Variants in PTK2 observed in about 807,000 individuals in gnomAD.
PTK2 encodes protein tyrosine kinase 2, also known as focal adhesion kinase 1.
A neutral mutation model predicts 150.1 loss-of-function variants in PTK2; 45 were observed. That is an observed-to-expected ratio of 0.30 (90% CI 0.24 to 0.38). PTK2 has a LOEUF of 0.38. PTK2 is among the 10% of genes least tolerant of loss of function. The pLI is 1.00. For missense variants in PTK2, 919 were observed against 1,307.3 expected, an observed-to-expected ratio of 0.70 and a Z score of 4.58; for synonymous variants, 432 against 449.2, an observed-to-expected ratio of 0.96 and a Z score of 0.48.
intron 23 of PTK2, among the ~76,000 whole-genome samples, chr8:140,708,486 G>A (rs528388869): frequency 5.3e-5 from 8 of 152,180 alleles, no homozygotes; most frequent in South Asian, 4.2e-4. Context: ...CCCTACCTTC[G>A]GTTGCAGGTA....
rs964954569 is a variant in PTK2 at position 140,683,975 on chromosome 8, T to C, written c.2562+2657A>G. ...AAGACCAGGATGCCCACTCTTACCA[T>C]ATCTATTCAACATTAGTGCTGGAAG... On this transcript the variant is annotated intron_variant, in intron 27 of 31. Coordinates refer to ENST00000522684, the Ensembl canonical transcript of PTK2. Among the ~76,000 whole-genome samples the C allele has an allele frequency of 7.2e-5, 11 of 152,150 alleles. 1 individual carries two copies. In the South Asian group the frequency reaches 8.3e-4, roughly 11 times the overall value.
intron 23 of PTK2, 92 bp from the exon 27 acceptor site, chr8:140,706,297 C>T (rs2100033769): frequency 1.1e-6 from 1 of 907,808 alleles, no homozygotes; most frequent in Non-Finnish European, 1.8e-6. Context: ...CCTAATAGAG[C>T]TTACTTGAAA....
intron 3 of PTK2, among the ~76,000 whole-genome samples, chr8:140,886,158 G>A (rs527470915): frequency 1.3e-5 from 2 of 152,284 alleles, no homozygotes; most frequent in South Asian, 4.1e-4. Flanking sequence ...AGCAAAAGAG[G>A]AATAAAAGAC....
rs961167128 is a variant in PTK2 at position 140,738,955 on chromosome 8, T to A, written c.1825+63A>T. The A allele has an allele frequency of 1.5e-5, 18 of 1,185,044 alleles. No homozygotes were observed. The African/African-American group carries it at 2.2e-4, about 15-fold the overall frequency. The allele number at this position is 1,185,044 out of a possible 1,614,324, so 73.4% of individuals were successfully genotyped here. On this transcript the variant is annotated intron_variant, in intron 21 of 31. Transcript: ENST00000522684. ...CCTACATATTCCAAAAAGAGATAAT[T>A]TTTTTTTGTATAACATATGAAATAT...
chr8:140,838,862 T>A (rs1019559336), intron 7 of PTK2, among the ~76,000 whole-genome samples: 4 of 151,636 alleles, frequency 2.6e-5, no homozygotes, highest in African/African-American at 9.7e-5. Context: ...AAAAATTAGC[T>A]GGGCATGGTG....
intron 29 of PTK2, 105 bp downstream of exon 33, chr8:140,669,622 G>T: frequency 1.5e-6 from 2 of 1,322,376 alleles, no homozygotes; most frequent in Non-Finnish European, 2.1e-6. Flanking sequence ...GCAGGCCGAA[G>T]TGCCCTCCCA....
exon 24 of PTK2, chr8:140,706,143 G>A (rs567646904): frequency 2.5e-6 from 4 of 1,612,134 alleles, no homozygotes; most frequent in African/African-American, 1.3e-5. Flanking sequence ...TTTGTACCAT[G>A]TGCTGTGGGC....
chr8:140,672,566 C>G (rs2100011193), intron 29 of PTK2, among the ~76,000 whole-genome samples: 2 of 152,212 alleles, frequency 1.3e-5, no homozygotes, highest in Non-Finnish European at 2.9e-5. Flanking sequence ...TTGGTACTTT[C>G]ACTATGGCCA....
intron 1 of PTK2, among the ~76,000 whole-genome samples, chr8:140,963,137 G>A (rs2100183975): frequency 6.6e-6 from 1 of 150,900 alleles, no homozygotes; most frequent in African/African-American, 2.4e-5. Context: ...CTCTAATACA[G>A]CCTATATATG....
intron 1 of PTK2, among the ~76,000 whole-genome samples, chr8:141,000,708 A>C (rs1589404192): frequency 4.0e-5 from 1 of 25,102 alleles, no homozygotes; most frequent in Non-Finnish European, 8.0e-5. Context: ...CGGACTCCCC[A>C]CGTCCCCCAG....
At chr8:140,918,705 G>A (rs1031120402) in intron 2 of PTK2, among the ~76,000 whole-genome samples, 7 of 152,128 alleles carry the variant, frequency 4.6e-5, no homozygotes, top group Non-Finnish European at 7.4e-5. Flanking sequence ...TTTTTAGCTT[G>A]TCCTGGTATT....
chr8:140,966,809 A>G (rs763605531), intron 1 of PTK2, among the ~76,000 whole-genome samples: 4 of 152,214 alleles, frequency 2.6e-5, no homozygotes, highest in Non-Finnish European at 5.9e-5. Flanking sequence ...ATAGGTATAA[A>G]TAGATGCTTG....
intron 8 of PTK2, among the ~76,000 whole-genome samples, chr8:140,820,300 C>A (rs1210004200): frequency 6.6e-6 from 1 of 151,220 alleles, no homozygotes; most frequent in Non-Finnish European, 1.5e-5. Flanking sequence ...AGGGTTTCAT[C>A]ATGTTGGCCA....
chr8:140,736,856 G>T (rs1006526581), intron 21 of PTK2, among the ~76,000 whole-genome samples: 5 of 152,160 alleles, frequency 3.3e-5, no homozygotes, highest in African/African-American at 1.2e-4. Context: ...ATGTACAATT[G>T]ATGACTTGAA....
chr8:140,955,046 A>T (rs1247694552), intron 1 of PTK2, among the ~76,000 whole-genome samples: 1 of 152,256 alleles, frequency 6.6e-6, no homozygotes, highest in African/African-American at 2.4e-5. Flanking sequence ...ACTAAGAACC[A>T]TTAAAACATC....
chr8:140,703,902 C>A (rs1473259012), intron 24 of PTK2, among the ~76,000 whole-genome samples: 2 of 152,172 alleles, frequency 1.3e-5, no homozygotes, highest in African/African-American at 2.4e-5. Flanking sequence ...AGATAAAGCA[C>A]AGCCAAAACC....
chr8:140,907,381 A>G (rs1387698011), intron 2 of PTK2, among the ~76,000 whole-genome samples: 5 of 152,210 alleles, frequency 3.3e-5, no homozygotes, highest in African/African-American at 4.8e-5. Context: ...CAATGCTCCA[A>G]CAAGTTTCCG....
intron 5 of PTK2, among the ~76,000 whole-genome samples, chr8:140,862,957 C>G (rs944370983): frequency 6.6e-5 from 10 of 152,194 alleles, no homozygotes; most frequent in African/African-American, 9.7e-5. Flanking sequence ...TATGTGACTA[C>G]TTCTTCACAG....
At chr8:140,831,279 G>A (rs1450029702) in intron 7 of PTK2, among the ~76,000 whole-genome samples, 1 of 152,154 alleles carries the variant, frequency 6.6e-6, no homozygotes, top group Admixed American at 6.5e-5. Flanking sequence ...TGGCCACTAG[G>A]TGTCACTCGT....
Sources: allele counts gnomAD v4.1 joint callset (sites outside exome capture counted in the v4.1 genomes callset), GRCh38; gene constraint gnomAD v4.1.1; transcripts MANE v1.5; gene names NCBI Gene and HGNC (gene_info 2026-07-23, HGNC 2026-07-21).